KCNMA1: variants seen among roughly 807,000 people sequenced by gnomAD.
KCNMA1 encodes the protein Calcium-activated potassium channel subunit alpha-1.
KCNMA1 carries 29 observed loss-of-function variants against 140.0 expected under a neutral mutation model. The ratio of observed to expected loss-of-function variants is 0.21; its 90% CI spans 0.15 to 0.28. The LOEUF (loss-of-function observed/expected upper bound fraction) is 0.28. Ranked by LOEUF, KCNMA1 falls within the 10% of genes least tolerant of loss-of-function variation. The pLI is 1.00. For synonymous variants in KCNMA1, 612 were observed against 611.9 expected (o/e 1.00, Z 0.00); for missense variants, 880 against 1,602.2 (o/e 0.55, Z 7.70).
At chr10:77,359,598 G>A (rs550809798) in intron 2 of KCNMA1, among the ~76,000 whole-genome samples, 7 of 152,266 alleles carry the variant, frequency 4.6e-5, no homozygotes, top group Middle Eastern at 3.4e-3. Flanking sequence ...CAGCTCCCAC[G>A]CCAGGGACAA....
chr10:76,876,800 C>A (rs1158689186), downstream of KCNMA1: 2 of 152,174 alleles, frequency 1.3e-5, no homozygotes, highest in Non-Finnish European at 1.5e-5. Context: ...AGGCTAAAAG[C>A]TCTGAGACTT....
chr10:77,115,265 A>G, intron 6 of KCNMA1, among the ~76,000 whole-genome samples: 1 of 152,216 alleles, frequency 6.6e-6, no homozygotes, highest in East Asian at 1.9e-4. Context: ...AAAACTTGGA[A>G]AAACAGCCAA....
chr10:77,252,133 CATCTCCT>C (rs2059780939), intron 2 of KCNMA1, among the ~76,000 whole-genome samples: 1 of 152,192 alleles, frequency 6.6e-6, no homozygotes, highest in Admixed American at 6.5e-5. Flanking sequence ...ACAGTTTTGG[CATCTCCT>C]TCAGTGGATA....
At chr10:77,094,938 T>C (rs570406997) in intron 9 of KCNMA1, among the ~76,000 whole-genome samples, 2 of 152,224 alleles carry the variant, frequency 1.3e-5, no homozygotes, top group Admixed American at 1.3e-4. Flanking sequence ...CAACCTCAAG[T>C]GATCTGCTCA....
At chr10:77,466,753 CA>C (rs2098026322) in intron 1 of KCNMA1, among the ~76,000 whole-genome samples, 1 of 152,104 alleles carries the variant, frequency 6.6e-6, no homozygotes, top group Non-Finnish European at 1.5e-5. Context: ...GCCTCCTGTG[CA>C]GGACATTTCC....
chr10:76,918,609 G>A (rs192542149), intron 23 of KCNMA1, among the ~76,000 whole-genome samples: 7 of 152,170 alleles, frequency 4.6e-5, no homozygotes, highest in African/African-American at 1.2e-4. Flanking sequence ...GCATGGATGC[G>A]GTGAACAGAG....
At chr10:77,444,433 G>C (rs7895934) in intron 1 of KCNMA1, among the ~76,000 whole-genome samples, 8 of 152,242 alleles carry the variant, frequency 5.3e-5, no homozygotes, top group African/African-American at 1.9e-4. Context: ...GATGAAGTAC[G>C]GTGTAGGTGG....
chr10:77,436,957 TAC>T (rs10536103), intron 1 of KCNMA1, among the ~76,000 whole-genome samples: 74,624 of 134,470 alleles, frequency 0.55, 20,138 homozygotes, highest in Admixed American at 0.64. Context: ...CTTCTTTCTT[TAC>T]ACACACACAC....
At chr10:77,079,627 T>A in intron 12 of KCNMA1, 77 bp from the exon 13 acceptor site, 1 of 1,001,554 alleles carries the variant, frequency 1.0e-6, no homozygotes, top group East Asian at 2.4e-5. Context: ...TTTTACTGTC[T>A]CCAAATGGGG....
intron 2 of KCNMA1, among the ~76,000 whole-genome samples, chr10:77,350,979 T>C (rs1000612391): frequency 2.6e-5 from 4 of 152,204 alleles, no homozygotes; most frequent in African/African-American, 9.7e-5. Context: ...CCCAACTCCA[T>C]TTTTATCTGT....
intron 2 of KCNMA1, among the ~76,000 whole-genome samples, chr10:77,293,106 C>A (rs887215548): frequency 1.6e-4 from 24 of 152,268 alleles, no homozygotes; most frequent in African/African-American, 5.8e-4. Flanking sequence ...CTTCAAGAGC[C>A]TCCAGAAGCC....
At chr10:76,900,129 T>C (rs1340316224) in intron 25 of KCNMA1, among the ~76,000 whole-genome samples, 2 of 152,108 alleles carry the variant, frequency 1.3e-5, no homozygotes, top group Non-Finnish European at 2.9e-5. Flanking sequence ...GTTTATAAAA[T>C]GTAGAGATCA....
At chr10:76,895,067 A>G (rs1352663467) in intron 25 of KCNMA1, among the ~76,000 whole-genome samples, 1 of 152,268 alleles carries the variant, frequency 6.6e-6, no homozygotes, top group Admixed American at 6.5e-5. Flanking sequence ...TCTATAGATT[A>G]CAGACATTGT....
At chr10:77,454,424 T>C (rs2097721131) in intron 1 of KCNMA1, among the ~76,000 whole-genome samples, 4 of 152,240 alleles carry the variant, frequency 2.6e-5, no homozygotes. Flanking sequence ...TTTCTCTGTT[T>C]GCTAACAGTG....
intron 1 of KCNMA1, among the ~76,000 whole-genome samples, chr10:77,480,827 C>T (rs2098379764): frequency 6.6e-6 from 1 of 151,968 alleles, no homozygotes; most frequent in Non-Finnish European, 1.5e-5. Context: ...CACACACGTG[C>T]AGCCGGGCAC....
At chr10:77,613,486 G>C (rs116613800) in intron 1 of KCNMA1, among the ~76,000 whole-genome samples, 2 of 152,258 alleles carry the variant, frequency 1.3e-5, no homozygotes, top group East Asian at 3.9e-4. Context: ...AAGGCATTTG[G>C]GCCAACTGGT....
chr10:77,516,217 A>T (rs1484378307), intron 1 of KCNMA1, among the ~76,000 whole-genome samples: 2 of 135,300 alleles, frequency 1.5e-5, no homozygotes, highest in Non-Finnish European at 3.1e-5. Context: ...CGCCACAGCC[A>T]CCCTCCTCCC....
chr10:77,208,023 G>A (rs2044707575), intron 3 of KCNMA1, among the ~76,000 whole-genome samples: 1 of 152,170 alleles, frequency 6.6e-6, no homozygotes. Flanking sequence ...GTCCTCATTT[G>A]GAAAATAGCT....
intron 3 of KCNMA1, among the ~76,000 whole-genome samples, chr10:77,197,824 C>T (rs146269647): frequency 2.0e-5 from 3 of 152,100 alleles, no homozygotes; most frequent in East Asian, 1.9e-4. Flanking sequence ...AGTGCGGCTC[C>T]TGGGTAAGAG....
Sources: gnomAD v4.1 joint callset for allele counts (sites outside exome capture counted in the v4.1 genomes callset) on GRCh38, gnomAD v4.1.1 for gene constraint, MANE v1.5 for transcripts, NCBI Gene and HGNC (gene_info 2026-07-23, HGNC 2026-07-21) for gene names.